The following IL15 variants were observed in gnomAD, a reference collection of about 807,000 sequenced individuals.
IL15 encodes interleukin-15.
Under a neutral mutation model 19.6 loss-of-function variants are expected in IL15, and 11 were observed. That is an observed-to-expected ratio of 0.56 (90% CI 0.35 to 0.93). The LOEUF (loss-of-function observed/expected upper bound fraction) is 0.93, where lower values mean the gene tolerates loss of function less well. Among genes scored for constraint, IL15 ranks in the 40% least tolerant of loss-of-function variants. IL15 has a pLI of 0.01. For missense variants in IL15, 197 were observed against 186.5 expected, an observed-to-expected ratio of 1.06 and a Z score of -0.33; for synonymous variants, 58 against 59.6, an observed-to-expected ratio of 0.97 and a Z score of 0.12.
In IL15 at chr4:141,705,255, C is replaced by T. The variant is rs561706048; in HGVS notation, c.-99-14111C>T. ...CCTCTCAGAGTTTCTTTCACTATGT[C>T]GCATAGGTTTTGATATGATGTGTTT... On this transcript the variant is annotated intron_variant, in intron 2 of 7. Coordinates refer to ENST00000320650, the MANE Select transcript of IL15 (RefSeq NM_000585.5). 1.5e-3 allele frequency among the ~76,000 whole-genome samples: 224 copies of T among 151,892 alleles called. 2 individuals are homozygous for T. Among genetic ancestry groups the T allele is most frequent in the African/African-American group, 5.0e-3 (209 of 41,500 alleles).
At chr4:141,674,030 T>C (rs962146997) in intron 2 of IL15, among the ~76,000 whole-genome samples, 1 of 152,226 alleles carries the variant, frequency 6.6e-6, no homozygotes, top group Non-Finnish European at 1.5e-5. Context: ...ATTAAAGTGT[T>C]AAATTTGCAG....
chr4:141,666,323 C>T (rs967591695), intron 2 of IL15, among the ~76,000 whole-genome samples: 1 of 151,890 alleles, frequency 6.6e-6, no homozygotes, highest in South Asian at 2.1e-4. Context: ...GGTCGGATCA[C>T]GAGGTCAGGA....
intron 1 of IL15, among the ~76,000 whole-genome samples, chr4:141,655,954 A>G (rs1727577901): frequency 6.6e-6 from 1 of 152,214 alleles, no homozygotes; most frequent in South Asian, 2.1e-4. Context: ...TTTTTCTCCA[A>G]AATGATGTAG....
chr4:141,672,632 C>T (rs1342481818), intron 2 of IL15, among the ~76,000 whole-genome samples: 4 of 152,088 alleles, frequency 2.6e-5, no homozygotes, highest in Admixed American at 2.6e-4. Context: ...TAAGGGTATT[C>T]TAAACTTTTG....
At chr4:141,704,006 C>T (rs1409015733) in intron 2 of IL15, among the ~76,000 whole-genome samples, 1 of 152,136 alleles carries the variant, frequency 6.6e-6, no homozygotes, top group Non-Finnish European at 1.5e-5. Context: ...CATCTGCAAA[C>T]TGGGACAATT....
intron 2 of IL15, among the ~76,000 whole-genome samples, chr4:141,689,256 C>T (rs1579022032): frequency 6.6e-6 from 1 of 152,174 alleles, no homozygotes; most frequent in Non-Finnish European, 1.5e-5. Context: ...AGCAGGTTGC[C>T]ACTGCTGGCT....
At chr4:141,679,351 G>C (rs1298390593) in intron 2 of IL15, among the ~76,000 whole-genome samples, 1 of 152,072 alleles carries the variant, frequency 6.6e-6, no homozygotes, top group Non-Finnish European at 1.5e-5. Flanking sequence ...TTGTTCTCTG[G>C]ATCTCATAAA....
At chr4:141,692,348 A>G (rs1728942081) in intron 2 of IL15, among the ~76,000 whole-genome samples, 1 of 152,240 alleles carries the variant, frequency 6.6e-6, no homozygotes, top group South Asian at 2.1e-4. Context: ...TTGTCTTGGC[A>G]ATTAACTTTT....
chr4:141,690,149 C>T (rs997017795), intron 2 of IL15, among the ~76,000 whole-genome samples: 5 of 152,198 alleles, frequency 3.3e-5, no homozygotes, highest in African/African-American at 9.6e-5. Flanking sequence ...CCGTCTGCTC[C>T]GACTGCGTGG....
intron 2 of IL15, among the ~76,000 whole-genome samples, chr4:141,708,730 G>A (rs549812789): frequency 1.9e-3 from 291 of 152,248 alleles, no homozygotes; most frequent in Middle Eastern, 3.4e-3. Context: ...TCACAGGGAT[G>A]TTGCCACTGC....
intron 5 of IL15, among the ~76,000 whole-genome samples, chr4:141,722,825 A>G (rs1730134013): frequency 6.6e-6 from 1 of 152,208 alleles, no homozygotes; most frequent in African/African-American, 2.4e-5. Context: ...ACAAAGAAAT[A>G]GAAGATATGA....
At chr4:141,644,527 G>A (rs923438593) in intron 1 of IL15, among the ~76,000 whole-genome samples, 1 of 151,962 alleles carries the variant, frequency 6.6e-6, no homozygotes, top group African/African-American at 2.4e-5. Flanking sequence ...TGACTAACTT[G>A]GACTTTACAT....
chr4:141,697,637 C>T (rs1729145109), intron 2 of IL15, among the ~76,000 whole-genome samples: 1 of 152,088 alleles, frequency 6.6e-6, no homozygotes, highest in Admixed American at 6.6e-5. Context: ...TCTACCCATC[C>T]ATGAGCATGG....
chr4:141,732,936 G>C lies in IL15; in HGVS notation c.*88G>C. ...TAACAAAACACTCGGCATTTCAAAT[G>C]TGCTGTCAAAACAAGTTTTTCTGTC... On this transcript the variant is annotated 3_prime_UTR_variant, in exon 8 of 8. Coordinates refer to ENST00000320650, the MANE Select transcript of IL15 (RefSeq NM_000585.5). 7.3e-6 allele frequency: 11 copies of C among 1,505,356 alleles called. No individual in the cohort carries two copies. The highest frequency in any genetic ancestry group is 9.7e-6 in the Non-Finnish European group (11 of 1,133,422). 93.2% of individuals were successfully genotyped at this position (1,505,356 alleles called of 1,614,324 possible).
chr4:141,682,024 A>C (rs1308530066), intron 2 of IL15, among the ~76,000 whole-genome samples: 1 of 152,242 alleles, frequency 6.6e-6, no homozygotes, highest in African/African-American at 2.4e-5. Context: ...ACAATTGTTT[A>C]ATGGTTTTGA....
intron 2 of IL15, among the ~76,000 whole-genome samples, chr4:141,674,543 G>A (rs181644701): frequency 5.4e-4 from 82 of 151,350 alleles, no homozygotes; most frequent in African/African-American, 2.0e-3. Context: ...CCAAGATCAC[G>A]CCACTGCACT....
At chr4:141,642,715 T>C (rs1419909217) in intron 1 of IL15, among the ~76,000 whole-genome samples, 2 of 152,202 alleles carry the variant, frequency 1.3e-5, no homozygotes, top group East Asian at 1.9e-4. Context: ...CTGCTCAAAA[T>C]GTTAACCCTC....
intron 1 of IL15, among the ~76,000 whole-genome samples, chr4:141,641,388 A>G (rs1416386747): frequency 1.3e-5 from 2 of 152,190 alleles, no homozygotes; most frequent in Non-Finnish European, 2.9e-5. Flanking sequence ...GCTGCTGTAA[A>G]GACACATGTT....
chr4:141,706,427 C>T (rs1404924012), intron 2 of IL15, among the ~76,000 whole-genome samples: 1 of 151,926 alleles, frequency 6.6e-6, no homozygotes, highest in Non-Finnish European at 1.5e-5. Context: ...TGATTTAAAC[C>T]TTCATACTAG....
Sources: allele counts gnomAD v4.1 joint callset (sites outside exome capture counted in the v4.1 genomes callset), GRCh38; gene constraint gnomAD v4.1.1; transcripts MANE v1.5; gene names NCBI Gene and HGNC (gene_info 2026-07-23, HGNC 2026-07-21).